Variants in HOMER1 observed in about 807,000 individuals in gnomAD.
HOMER1 encodes the protein homer scaffold protein 1, also known as homer protein homolog 1.
A neutral mutation model predicts 48.9 loss-of-function variants in HOMER1; 3 were observed. The ratio of observed to expected loss-of-function variants is 0.06; its 90% CI spans 0.03 to 0.16. The LOEUF is 0.16. Ranked by LOEUF, HOMER1 falls within the 10% of genes least tolerant of loss-of-function variation. The pLI, the probability that HOMER1 is intolerant of heterozygous loss-of-function variation, is 1.00. For synonymous variants in HOMER1, 134 were observed against 146.4 expected (o/e 0.92, Z 0.61); for missense variants, 247 against 411.4 (o/e 0.60, Z 3.46).
At chr5:79,388,254 G>C (rs1749166236) in intron 8 of HOMER1, among the ~76,000 whole-genome samples, 1 of 152,178 alleles carries the variant, frequency 6.6e-6, no homozygotes, top group Non-Finnish European at 1.5e-5. Flanking sequence ...GAATCTTGCG[G>C]GGTAAAGGGA....
At chr5:79,461,043 T>A (rs549981423) in intron 1 of HOMER1, among the ~76,000 whole-genome samples, 1 of 152,258 alleles carries the variant, frequency 6.6e-6, no homozygotes, top group East Asian at 1.9e-4. Flanking sequence ...GGCCAGGAAC[T>A]TAAAAACACT....
chr5:79,414,451 C>G (rs1488626457), intron 5 of HOMER1, among the ~76,000 whole-genome samples: 1 of 151,998 alleles, frequency 6.6e-6, no homozygotes, highest in Non-Finnish European at 1.5e-5. Context: ...GCAAACATAG[C>G]TCACTGCAAC....
chr5:79,484,961 CT>C (rs1177433140), intron 1 of HOMER1, among the ~76,000 whole-genome samples: 3 of 152,200 alleles, frequency 2.0e-5, no homozygotes, highest in Non-Finnish European at 4.4e-5. Context: ...CCAACAACAG[CT>C]GTTCTCTTTG....
At chr5:79,452,216 C>A (rs1751048651) in intron 2 of HOMER1, among the ~76,000 whole-genome samples, 1 of 152,168 alleles carries the variant, frequency 6.6e-6, no homozygotes, top group Non-Finnish European at 1.5e-5. Context: ...ACTGCATACT[C>A]ATTTCTTTTC....
intron 6 of HOMER1, chr5:79,397,954 G>C (rs1038401608): frequency 5.8e-6 from 1 of 173,234 alleles, no homozygotes; most frequent in Non-Finnish European, 1.2e-5. Flanking sequence ...TTCAAGATCA[G>C]ATATGACCAT....
intron 1 of HOMER1, among the ~76,000 whole-genome samples, chr5:79,484,477 G>T (rs78741063): frequency 6.6e-6 from 1 of 152,080 alleles, no homozygotes; most frequent in Admixed American, 6.5e-5. Context: ...TGTAGTCCCA[G>T]CTACCTGGGA....
At chr5:79,387,828 C>T (rs1257093924) in intron 8 of HOMER1, among the ~76,000 whole-genome samples, 1 of 152,140 alleles carries the variant, frequency 6.6e-6, no homozygotes, top group Middle Eastern at 3.2e-3. Flanking sequence ...TCTATCCTCC[C>T]CAAACTATAT....
intron 5 of HOMER1, among the ~76,000 whole-genome samples, chr5:79,402,835 G>T (rs1040300708): frequency 2.6e-5 from 4 of 152,086 alleles, no homozygotes; most frequent in African/African-American, 9.7e-5. Flanking sequence ...TTTTGAAATT[G>T]TTTTTGATTT....
intron 5 of HOMER1, among the ~76,000 whole-genome samples, chr5:79,434,599 T>G (rs1043141288): frequency 3.3e-5 from 5 of 152,114 alleles, no homozygotes; most frequent in African/African-American, 1.2e-4. Context: ...TAGATAAAAT[T>G]TAATAACATT....
intron 4 of HOMER1, among the ~76,000 whole-genome samples, chr5:79,440,299 C>T (rs1580452833): frequency 6.6e-6 from 1 of 152,074 alleles, no homozygotes; most frequent in Non-Finnish European, 1.5e-5. Context: ...TAAATATTAA[C>T]GTGGTGAGAC....
intron 7 of HOMER1, 24 bp from the exon 8 acceptor site, chr5:79,396,927 TAACA>T: frequency 3.7e-6 from 5 of 1,338,412 alleles, no homozygotes; most frequent in Non-Finnish European, 5.3e-6. Flanking sequence ...AGCAATGTCT[TAACA>T]TTCAAACTAT....
intron 4 of HOMER1, among the ~76,000 whole-genome samples, chr5:79,443,629 A>C (rs558123874): frequency 6.6e-6 from 1 of 152,200 alleles, no homozygotes; most frequent in Non-Finnish European, 1.5e-5. Flanking sequence ...GTTAACATTT[A>C]TTAGGCATTT....
intron 5 of HOMER1, among the ~76,000 whole-genome samples, chr5:79,413,374 G>C (rs916873442): frequency 6.6e-5 from 10 of 152,096 alleles, no homozygotes; most frequent in Admixed American, 1.3e-4. Context: ...CCATAGCCTA[G>C]TTATATAGGT....
In HOMER1 at chr5:79,373,452, A is replaced by G. The variant is rs1392540230; in HGVS notation, c.*2557T>C. 1 of 152,004 alleles carries G rather than the reference A, an allele frequency of 6.6e-6. No homozygotes were observed. The highest frequency in any genetic ancestry group is 2.4e-5 in the African/African-American group (1 of 41,420). 9.4% of individuals were successfully genotyped at this position (152,004 alleles called of 1,614,324 possible). Reference sequence around the variant, plus strand: ...AACATTATTTTCTGAGAAATATATTACCACAGTTTGATTTAAATATAGATA... The same window carrying G: ...AACATTATTTTCTGAGAAATATATTGCCACAGTTTGATTTAAATATAGATA... On this transcript the variant is annotated 3_prime_UTR_variant, in exon 9 of 9. Transcript: ENST00000334082.
At chr5:79,398,342 C>T (rs1283425390) in intron 6 of HOMER1, among the ~76,000 whole-genome samples, 1 of 151,908 alleles carries the variant, frequency 6.6e-6, no homozygotes, top group Non-Finnish European at 1.5e-5. Context: ...TGCACACACA[C>T]ACCCTATCAC....
At chr5:79,389,708 C>T (rs1223931380) in intron 8 of HOMER1, among the ~76,000 whole-genome samples, 1 of 152,226 alleles carries the variant, frequency 6.6e-6, no homozygotes, top group African/African-American at 2.4e-5. Flanking sequence ...CCTCGGCTTT[C>T]CAGCTGCCAG....
chr5:79,408,095 G>GA (rs937103076), intron 5 of HOMER1, among the ~76,000 whole-genome samples: 1 of 152,160 alleles, frequency 6.6e-6, no homozygotes, highest in Admixed American at 6.5e-5. Context: ...TGTATCTACA[G>GA]AAAAAAACAT....
chr5:79,394,950 T>C (rs997266014), intron 8 of HOMER1, among the ~76,000 whole-genome samples: 2 of 152,214 alleles, frequency 1.3e-5, no homozygotes, highest in Non-Finnish European at 2.9e-5. Context: ...AGTGAGACAA[T>C]GTAAATGTGT....
chr5:79,390,008 A>T (rs540157594), intron 8 of HOMER1, among the ~76,000 whole-genome samples: 2 of 152,280 alleles, frequency 1.3e-5, no homozygotes, highest in South Asian at 4.1e-4. Context: ...AAACCAGGCC[A>T]GGCACGGTGG....
Sources: gnomAD v4.1 joint callset for allele counts (sites outside exome capture counted in the v4.1 genomes callset) on GRCh38, gnomAD v4.1.1 for gene constraint, MANE v1.5 for transcripts, NCBI Gene and HGNC (gene_info 2026-07-23, HGNC 2026-07-21) for gene names.